The following CPQ variants were observed in gnomAD, a reference collection of about 807,000 sequenced individuals.
CPQ encodes the protein carboxypeptidase Q.
Under a neutral mutation model 45.7 loss-of-function variants are expected in CPQ, and 37 were observed. That is an observed-to-expected ratio of 0.81 (90% CI 0.62 to 1.07). The LOEUF (loss-of-function observed/expected upper bound fraction) is 1.07. CPQ is among the 50% of genes least tolerant of loss of function. The pLI is 0.00. For missense variants in CPQ, 537 were observed against 572.9 expected, an observed-to-expected ratio of 0.94 and a Z score of 0.64; for synonymous variants, 186 against 205.8, an observed-to-expected ratio of 0.90 and a Z score of 0.82.
chr8:97,066,764 A>G, intron 7 of CPQ, among the ~76,000 whole-genome samples: 1 of 152,008 alleles, frequency 6.6e-6, no homozygotes, highest in East Asian at 1.9e-4. Flanking sequence ...CAAGAGGTTG[A>G]GCATAAACTA....
chr8:96,850,685 C>T (rs1811759650), intron 3 of CPQ, among the ~76,000 whole-genome samples: 1 of 151,700 alleles, frequency 6.6e-6, no homozygotes, highest in Non-Finnish European at 1.5e-5. Flanking sequence ...TCTTGGCTCA[C>T]CACAACCTCT....
At chr8:96,897,799 T>TTTTG (rs199622318) in intron 4 of CPQ, among the ~76,000 whole-genome samples, 1,962 of 152,098 alleles carry the variant, frequency 0.013, 26 homozygotes, top group Non-Finnish European at 0.02. Context: ...GGAGGTGAAT[T>TTTTG]TTTGTTTGTT....
At chr8:96,897,860 G>A (rs1399599490) in intron 4 of CPQ, among the ~76,000 whole-genome samples, 2 of 152,142 alleles carry the variant, frequency 1.3e-5, no homozygotes, top group Non-Finnish European at 2.9e-5. Context: ...TAGAAGGGGC[G>A]CATTCAGCAG....
intron 4 of CPQ, among the ~76,000 whole-genome samples, chr8:96,951,271 T>TG (rs1292274731): frequency 3.3e-5 from 5 of 152,148 alleles, no homozygotes; most frequent in Non-Finnish European, 5.9e-5. Context: ...CTTAAGCTTC[T>TG]CATTTCTATG....
At chr8:96,741,781 G>C (rs1343001862) in intron 1 of CPQ, among the ~76,000 whole-genome samples, 1 of 150,966 alleles carries the variant, frequency 6.6e-6, no homozygotes, top group East Asian at 1.9e-4. Flanking sequence ...GTAGTTGAGC[G>C]GTTTTGAGTG....
At chr8:96,797,412 C>T (rs1221776696) in intron 2 of CPQ, among the ~76,000 whole-genome samples, 1 of 152,012 alleles carries the variant, frequency 6.6e-6, no homozygotes, top group Non-Finnish European at 1.5e-5. Context: ...GACTTTTTTG[C>T]ATAAATAAAC....
chr8:96,677,464 GT>G (rs1809090262), intron 1 of CPQ, among the ~76,000 whole-genome samples: 1 of 151,978 alleles, frequency 6.6e-6, no homozygotes, highest in African/African-American at 2.4e-5. Flanking sequence ...GTGGCTGTTT[GT>G]ATGTCTTCTT....
chr8:96,818,685 T>TACAG (rs1165135465), intron 2 of CPQ, among the ~76,000 whole-genome samples: 5 of 152,080 alleles, frequency 3.3e-5, no homozygotes, highest in African/African-American at 1.2e-4. Context: ...TGGCCACAGA[T>TACAG]ACAGACATAT....
At chr8:96,833,787 G>T (rs1398011842) in intron 2 of CPQ, among the ~76,000 whole-genome samples, 1 of 152,274 alleles carries the variant, frequency 6.6e-6, no homozygotes, top group East Asian at 1.9e-4. Context: ...TAGAAATTCA[G>T]TCTGGATCAT....
At chr8:97,063,716 A>G (rs1364403413) in intron 6 of CPQ, among the ~76,000 whole-genome samples, 1 of 152,068 alleles carries the variant, frequency 6.6e-6, no homozygotes, top group East Asian at 1.9e-4. Flanking sequence ...CCTTTATTAA[A>G]TGGGGAACCG....
intron 5 of CPQ, among the ~76,000 whole-genome samples, chr8:96,968,811 C>T (rs1813615317): frequency 6.6e-6 from 1 of 152,220 alleles, no homozygotes; most frequent in South Asian, 2.1e-4. Flanking sequence ...CTCAAGCCTT[C>T]AGCTTAAATT....
intron 5 of CPQ, among the ~76,000 whole-genome samples, chr8:96,966,862 G>T (rs530686747): frequency 1.3e-5 from 2 of 152,242 alleles, no homozygotes; most frequent in Admixed American, 1.3e-4. Flanking sequence ...AAAGCACTTT[G>T]TAAAAGCTGG....
chr8:97,031,807 T>C (rs758491158), intron 6 of CPQ, among the ~76,000 whole-genome samples: 4 of 152,194 alleles, frequency 2.6e-5, no homozygotes, highest in African/African-American at 4.8e-5. Flanking sequence ...TTTTCAGAGA[T>C]AGAAAGAAGA....
chr8:96,785,032 TG>T lies in CPQ; in HGVS notation c.136del (p.Val46LeufsTer8), dbSNP rs780479623. On this transcript the variant is annotated frameshift_variant, in exon 2 of 8. Transcript: ENST00000220763. LOFTEE classifies it high-confidence loss of function. Reference protein sequence around the residue: ...IKEEIASCGDVAKAIINLAVY... With the variant: ...IKEEIASCGDXAKAIINLAVY... ...AAGAAGAAATAGCCAGCTGTGGAGA[TG>T]TTGCTAAAGCAATCATCAACCTAGC... is the stretch of plus-strand genomic sequence containing the variant. 2 of 1,613,848 alleles carry T rather than the reference TG, an allele frequency of 1.2e-6. No homozygotes were observed. The highest frequency in any genetic ancestry group is 2.2e-5 in the South Asian group (2 of 91,074).
chr8:96,964,092 CTTT>C (rs34122483), intron 4 of CPQ, among the ~76,000 whole-genome samples: 1 of 126,314 alleles, frequency 7.9e-6, no homozygotes. Flanking sequence ...AGTTTTCTTT[CTTT>C]TTTTTTTTTT....
chr8:96,928,001 A>G (rs1812915121), intron 4 of CPQ, among the ~76,000 whole-genome samples: 1 of 152,184 alleles, frequency 6.6e-6, no homozygotes, highest in South Asian at 2.1e-4. Flanking sequence ...ACTTCCCTGG[A>G]TGCATCAGCG....
intron 5 of CPQ, among the ~76,000 whole-genome samples, chr8:96,997,065 C>A (rs1404144172): frequency 6.6e-6 from 1 of 152,020 alleles, no homozygotes; most frequent in Non-Finnish European, 1.5e-5. Flanking sequence ...CATCTGGGAT[C>A]TTCTGTTTGG....
At chr8:97,050,827 C>T (rs982647025) in intron 6 of CPQ, among the ~76,000 whole-genome samples, 3 of 152,160 alleles carry the variant, frequency 2.0e-5, no homozygotes, top group African/African-American at 7.2e-5. Flanking sequence ...TCCTGGCCTA[C>T]ATAGCAACTT....
rs1156706371 is a variant in CPQ at position 96,854,530 on chromosome 8, C to CAAAAAAAAA, written c.641+19371_641+19379dup. Among the ~76,000 whole-genome samples the CAAAAAAAAA allele has an allele frequency of 1.6e-3, 14 of 8,696 alleles. 1 individual carries two copies. The highest frequency in any genetic ancestry group is 3.2e-3 in the Non-Finnish European group (8 of 2,498). The allele number at this position is 8,696 out of a possible 152,430, so 5.7% of individuals were successfully genotyped here. On this transcript the variant is annotated intron_variant, in intron 3 of 7. Transcript: ENST00000220763. ...TGGGCGACAGAGCGAGACTCCGTCT[C>CAAAAAAAAA]AAAAAAAAAAAAAAAAAAAAAAAAA...
Sources: allele counts gnomAD v4.1 joint callset (sites outside exome capture counted in the v4.1 genomes callset), GRCh38; gene constraint gnomAD v4.1.1; transcripts MANE v1.5; gene names NCBI Gene and HGNC (gene_info 2026-07-23, HGNC 2026-07-21).